The following ACYP2 variants were observed in gnomAD, a reference collection of about 807,000 sequenced individuals.
ACYP2 encodes the protein acylphosphatase 2.
ACYP2 carries 12 observed loss-of-function variants against 11.2 expected under a neutral mutation model. That is an observed-to-expected ratio of 1.08 (90% CI 0.69 to 1.74). The LOEUF is 1.74. Ranked by LOEUF, ACYP2 falls within the 40% of genes most tolerant of loss-of-function variation. ACYP2 has a pLI of 0.00. For missense variants in ACYP2, 134 were observed against 101.9 expected (o/e 1.31, Z -1.35); for synonymous variants, 43 against 32.2 (o/e 1.33, Z -1.13).
intron 6 of ACYP2, among the ~76,000 whole-genome samples, chr2:54,251,915 A>G (rs1687243652): frequency 6.6e-6 from 1 of 152,226 alleles, no homozygotes; most frequent in African/African-American, 2.4e-5. Context: ...AATCCACTGT[A>G]TGTACAGGTG....
intron 6 of ACYP2, among the ~76,000 whole-genome samples, chr2:54,293,438 G>C (rs1446983105): frequency 6.6e-6 from 1 of 152,204 alleles, no homozygotes; most frequent in Non-Finnish European, 1.5e-5. Flanking sequence ...TCAAGCCTGA[G>C]TGGCTCTTCC....
At chr2:54,003,859 CAAT>C (rs1314558695) in intron 2 of ACYP2, among the ~76,000 whole-genome samples, 1 of 152,198 alleles carries the variant, frequency 6.6e-6, no homozygotes, top group Non-Finnish European at 1.5e-5. Flanking sequence ...CTACTAGCAA[CAAT>C]GAGAGTTTCT....
intron 6 of ACYP2, among the ~76,000 whole-genome samples, chr2:54,278,003 G>A (rs1434399960): frequency 6.6e-6 from 1 of 151,846 alleles, no homozygotes; most frequent in East Asian, 1.9e-4. Flanking sequence ...TATTTATGAC[G>A]GAGTCTCGCT....
chr2:54,006,459 A>AT (rs1203235922), intron 2 of ACYP2, among the ~76,000 whole-genome samples: 2 of 151,356 alleles, frequency 1.3e-5, no homozygotes, highest in Non-Finnish European at 2.9e-5. Flanking sequence ...TAGTTTTTTG[A>AT]TTTTTTGTAG....
chr2:54,163,714 G>C (rs1032845871), intron 6 of ACYP2, among the ~76,000 whole-genome samples: 2 of 152,116 alleles, frequency 1.3e-5, no homozygotes, highest in Non-Finnish European at 2.9e-5. Flanking sequence ...AAATTAGCCA[G>C]GTGTGTTGGT....
At chr2:54,129,626 G>C (rs1023667187) in intron 4 of ACYP2, among the ~76,000 whole-genome samples, 2 of 149,640 alleles carry the variant, frequency 1.3e-5, no homozygotes, top group African/African-American at 4.9e-5. Flanking sequence ...ATGTACTATG[G>C]AGATATATGT....
intron 6 of ACYP2, among the ~76,000 whole-genome samples, chr2:54,188,968 C>T (rs1432285238): frequency 6.6e-6 from 1 of 152,230 alleles, no homozygotes; most frequent in Non-Finnish European, 1.5e-5. Context: ...TTCTCCTGCA[C>T]CTGTCACCTC....
At chr2:54,047,991 A>G (rs1675615477) in intron 2 of ACYP2, among the ~76,000 whole-genome samples, 2 of 152,224 alleles carry the variant, frequency 1.3e-5, no homozygotes, top group Non-Finnish European at 2.9e-5. Context: ...TTGCAGGTGA[A>G]GATCAAGTTG....
chr2:54,135,291 A>T (rs1681155213), intron 4 of ACYP2, among the ~76,000 whole-genome samples, 162 bp from the exon 2 acceptor site: 1 of 152,150 alleles, frequency 6.6e-6, no homozygotes, highest in Non-Finnish European at 1.5e-5. Flanking sequence ...TGGAATTTTA[A>T]ATTTAATATT....
intron 6 of ACYP2, among the ~76,000 whole-genome samples, chr2:54,202,564 C>G (rs115934198): frequency 2.6e-5 from 4 of 151,306 alleles, no homozygotes; most frequent in Non-Finnish European, 4.4e-5. Flanking sequence ...CCCACCAATA[C>G]GCCTGGCTAA....
intron 6 of ACYP2, among the ~76,000 whole-genome samples, chr2:54,232,458 A>G (rs577590101): frequency 9.9e-5 from 15 of 151,920 alleles, no homozygotes; most frequent in Admixed American, 6.6e-5. Context: ...ATGGTGTTAC[A>G]TTGCTTAGTT....
At chr2:54,303,069 T>C (rs1380867870) in intron 6 of ACYP2, among the ~76,000 whole-genome samples, 3 of 152,182 alleles carry the variant, frequency 2.0e-5, no homozygotes, top group Admixed American at 6.5e-5. Flanking sequence ...AAATTGTTAG[T>C]GCTTGGCCAG....
At chr2:54,184,233 C>T (rs985958046) in intron 6 of ACYP2, among the ~76,000 whole-genome samples, 5 of 152,074 alleles carry the variant, frequency 3.3e-5, no homozygotes, top group Non-Finnish European at 7.4e-5. Flanking sequence ...GCCAGACATA[C>T]AAAGAAACAT....
In ACYP2 at chr2:54,101,779, T is replaced by A. The variant is rs1678908445; in HGVS notation, c.278-33674T>A. ...CTTTTTAAAATTAGTGTGTTTTATG[T>A]CTTAGAGCAGTTTTAGCTTAACGGA... On this transcript the variant is annotated intron_variant, in intron 4 of 6. Transcript: ENST00000607452. Among the ~76,000 whole-genome samples, 3 of 152,200 alleles carry A rather than the reference T, an allele frequency of 2.0e-5. No individual in the cohort carries two copies. The South Asian group carries it at 6.2e-4, about 31-fold the overall frequency.
intron 6 of ACYP2, among the ~76,000 whole-genome samples, chr2:54,299,001 C>T (rs985120454): frequency 2.0e-5 from 3 of 152,322 alleles, no homozygotes; most frequent in Non-Finnish European, 4.4e-5. Flanking sequence ...GATCCACCCA[C>T]CTCAGCCTCC....
intron 4 of ACYP2, among the ~76,000 whole-genome samples, chr2:54,064,456 G>A (rs530047524): frequency 4.3e-4 from 44 of 102,756 alleles, no homozygotes; most frequent in Admixed American, 7.0e-4. Context: ...TAGCTGCTGG[G>A]GGCCATATCT....
intron 2 of ACYP2, among the ~76,000 whole-genome samples, chr2:54,015,323 T>TCAA (rs148848594): frequency 0.46 from 69,109 of 151,264 alleles, 15,907 homozygotes; most frequent in South Asian, 0.54. Flanking sequence ...ACCAGCCTGA[T>TCAA]CATGGAGAAA....
chr2:54,052,289 A>G (rs1675910966), intron 3 of ACYP2, among the ~76,000 whole-genome samples: 1 of 152,090 alleles, frequency 6.6e-6, no homozygotes, highest in Admixed American at 6.5e-5. Context: ...ATACCGTGTC[A>G]TTTTTTGTAT....
At position 54,133,979 on chromosome 2, in the gene ACYP2, G is replaced by C. The variant is rs190125842; in HGVS notation, c.278-1474G>C. Among the ~76,000 whole-genome samples, 391 of 152,124 alleles carry C rather than the reference G, an allele frequency of 2.6e-3. 1 individual carries two copies. Among genetic ancestry groups the C allele is most frequent in the African/African-American group, 8.9e-3 (371 of 41,500 alleles). ...CAAAGTATAGGATACCATCATAGTT[G>C]GCCAATATAGAACAGCTTATCATGG... is the stretch of plus-strand genomic sequence containing the variant. On this transcript the variant is annotated intron_variant, in intron 4 of 6. Transcript: ENST00000607452.
Sources: allele counts gnomAD v4.1 joint callset (sites outside exome capture counted in the v4.1 genomes callset), GRCh38; gene constraint gnomAD v4.1.1; transcripts MANE v1.5; gene names NCBI Gene and HGNC (gene_info 2026-07-23, HGNC 2026-07-21).